The following HEATR1 variants were observed in gnomAD, a reference collection of about 807,000 sequenced individuals.
HEATR1 encodes the protein HEAT repeat-containing protein 1.
A neutral mutation model predicts 248.2 loss-of-function variants in HEATR1; 77 were observed. The observed-to-expected ratio is 0.31, with a 90% CI of 0.26 to 0.37. HEATR1 has a LOEUF of 0.37. Among genes scored for constraint, HEATR1 ranks in the 10% least tolerant of loss-of-function variants. The pLI is 1.00. For synonymous variants in HEATR1, 897 were observed against 923.1 expected (o/e 0.97, Z 0.51); for missense variants, 2,420 against 2,504.9 (o/e 0.97, Z 0.72).
chr1:236,577,302 C>T (rs568293806), intron 20 of HEATR1, among the ~76,000 whole-genome samples: 1 of 152,116 alleles, frequency 6.6e-6, no homozygotes, highest in South Asian at 2.1e-4. Context: ...CAGGTGCACG[C>T]CACACGCCTG....
At chr1:236,573,462 A>T (rs1169483674) in intron 24 of HEATR1, among the ~76,000 whole-genome samples, 2 of 152,196 alleles carry the variant, frequency 1.3e-5, no homozygotes, top group Non-Finnish European at 2.9e-5. Flanking sequence ...CAAAGAAAAC[A>T]ACTATAAAAA....
At position 236,574,708 on chromosome 1, in the gene HEATR1, C is replaced by G; in HGVS notation, c.3280G>C (p.Glu1094Gln). The stretch of plus-strand genomic sequence containing the variant: ...ATGGTTGGCATTCCCGCGTAAAGTT[C>G]CTTTGTTGTGTGCACAGCTTTTATA... The part of the protein sequence containing the change: ...IFIKAVHTTK[E>Q]LYAGMPTIQI... Residue 1094 changes from glutamate to glutamine, a missense_variant, in exon 23 of 45, where the codon GAA becomes CAA. Coordinates refer to ENST00000366582, the MANE Select transcript of HEATR1 (RefSeq NM_018072.6). The G allele has an allele frequency of 6.2e-7, 1 of 1,613,836 alleles. No homozygotes were observed. The highest frequency in any genetic ancestry group is 8.5e-7 in the Non-Finnish European group (1 of 1,179,864).
Position 236,590,924 on chromosome 1 carries a change from G to A in HEATR1, c.1453C>T (p.Leu485Phe). The A allele has an allele frequency of 1.3e-6, 2 of 1,511,404 alleles. No individual in the cohort carries two copies. Among genetic ancestry groups the A allele is most frequent in the Non-Finnish European group, 1.8e-6 (2 of 1,121,104 alleles). 93.6% of individuals were successfully genotyped at this position (1,511,404 alleles called of 1,614,324 possible). The change falls in exon 12 of 45, where the codon CTC (leucine) becomes TTC (phenylalanine). Residue 485 changes from leucine to phenylalanine, a missense_variant. Transcript: ENST00000366582. ...GGAGCAAGTGGATGATTCAGGCTGAGCATCAAAGAAGTATCAGAATCTGCT... is the reference window on the plus strand; with the variant it reads ...GGAGCAAGTGGATGATTCAGGCTGAACATCAAAGAAGTATCAGAATCTGCT... ...FLADSDTSLM[L>F]SLNHPLAPVR... is the part of the protein sequence containing the mutation.
rs767408010 is a variant in HEATR1, at chr1:236,574,913, C to G, written c.3085-10G>C. On this transcript the variant is annotated splice_polypyrimidine_tract_variant and intron_variant, in intron 22 of 44. Transcript: ENST00000366582. ...GCTGAGAAAGCACCATCTAAAGATC[C>G]AAAGACTTAGTAGTAAATAGTTATG... is the stretch of plus-strand genomic sequence containing the variant. The G allele has an allele frequency of 1.2e-6, 2 of 1,611,092 alleles. No individual in the cohort carries two copies. The highest frequency in any genetic ancestry group is 4.5e-5 in the East Asian group (2 of 44,838).
Position 236,585,907 on chromosome 1 carries a change from T to C in HEATR1, c.1962A>G (p.Gly654=). The C allele has an allele frequency of 6.2e-7, 1 of 1,613,502 alleles. No individual in the cohort carries two copies. Among genetic ancestry groups the C allele is most frequent in the Non-Finnish European group, 8.5e-7 (1 of 1,179,606 alleles). ...LENVIKSTKP[G]KLIGVANQKM... is the part of the protein sequence containing the mutation. ...TCTGATTTGCTACACCGATTAGTTT[T>C]CCTGGCTTTGTGCTTTTAATTACAT... The change falls in exon 16 of 45, where the codon GGA becomes GGG. Residue 654 remains glycine (G), a synonymous_variant. Transcript: ENST00000366582.
chr1:236,598,038 A>G, intron 4 of HEATR1, 59 bp from the exon 5 acceptor site: 1 of 1,088,062 alleles, frequency 9.2e-7, no homozygotes, highest in Non-Finnish European at 1.4e-6. Context: ...CCTTATTTTA[A>G]AGCATTTACC....
chr1:236,553,641 G>A lies in HEATR1; in HGVS notation c.6177C>T (p.Asp2059=), dbSNP rs1056243196. The A allele has an allele frequency of 1.9e-6, 3 of 1,614,078 alleles. No individual in the cohort carries two copies. Among genetic ancestry groups the A allele is most frequent in the Non-Finnish European group, 2.5e-6 (3 of 1,179,996 alleles). ...GGTAGTTCAGTGGTTTCCAAAGAGAGTCATCCGCCATGGCCACCGAAAACT... is the reference window on the plus strand; with the variant it reads ...GGTAGTTCAGTGGTTTCCAAAGAGAATCATCCGCCATGGCCACCGAAAACT... ...IAQFSVAMAD[D]SLWKPLNYQI... is the part of the protein sequence containing the mutation. Residue 2059 remains aspartate (D), a synonymous_variant, in exon 43 of 45, where the codon GAC becomes GAT. Transcript: ENST00000366582.
At position 236,576,421 on chromosome 1, in the gene HEATR1, C is replaced by A. The variant is rs764077488; in HGVS notation, c.2926-44G>T. The A allele has an allele frequency of 3.7e-6, 5 of 1,352,642 alleles. No individual in the cohort carries two copies. The South Asian group carries it at 5.6e-5, about 15-fold the overall frequency. The allele number at this position is 1,352,642 out of a possible 1,614,324, so 83.8% of individuals were successfully genotyped here. On this transcript the variant is annotated intron_variant, in intron 21 of 44. Transcript: ENST00000366582. ...AATTGGATAAAAAAGGGTTAAGAAA[C>A]TACAAAGGCTAAATATATTAATTAC...
intron 25 of HEATR1, 82 bp from the exon 26 acceptor site, chr1:236,572,636 A>G: frequency 1.3e-6 from 2 of 1,599,956 alleles, no homozygotes; most frequent in Non-Finnish European, 1.7e-6. Context: ...GATTATAGCA[A>G]ATTGATGAGT....
chr1:236,563,662 C>T (rs1040105683), intron 32 of HEATR1, among the ~76,000 whole-genome samples: 1 of 152,174 alleles, frequency 6.6e-6, no homozygotes, highest in Admixed American at 6.5e-5. Flanking sequence ...TCTGTTAACG[C>T]ATTATAGGAC....
chr1:236,598,084 A>T, intron 4 of HEATR1, 105 bp from the exon 5 acceptor site: 1 of 627,162 alleles, frequency 1.6e-6, no homozygotes, highest in Non-Finnish European at 2.8e-6. Context: ...ATTCATAAAT[A>T]AAAAATATAA....
Position 236,603,354 on chromosome 1 carries a change from C to T in HEATR1, c.165G>A (p.Leu55=), listed in dbSNP as rs868213447. The stretch of plus-strand genomic sequence containing the variant: ...GCTCAAAGGAAGGATCAATTCCAAG[C>T]AACTCTTCCAGGCCAGTACATCCTA... The part of the protein sequence containing the change: ...FAIGCTGLEE[L]LGIDPSFEQF... Residue 55 remains leucine (L), a synonymous_variant, in exon 3 of 45, where the codon TTG becomes TTA. Coordinates refer to ENST00000366582, the MANE Select transcript of HEATR1 (RefSeq NM_018072.6). 9 of 1,614,010 alleles carry T rather than the reference C, an allele frequency of 5.6e-6. No homozygotes were observed. The Middle Eastern group carries it at 8.2e-4, about 148-fold the overall frequency.
In HEATR1 at chr1:236,560,771, T is replaced by G. The variant is rs75672375; in HGVS notation, c.4646+454A>C. On this transcript the variant is annotated intron_variant, in intron 33 of 44. Transcript: ENST00000366582. ...AGCATATGGATTAGAATCCACAGAA[T>G]AAAGAATTCATGAGCCCATAGAAAT... Among the ~76,000 whole-genome samples the G allele has an allele frequency of 6.9e-3, 1,051 of 152,236 alleles. 21 individuals carry two copies. The highest frequency in any genetic ancestry group is 0.024 in the African/African-American group (984 of 41,542).
chr1:236,602,309 A>G (rs958089504), intron 3 of HEATR1, among the ~76,000 whole-genome samples: 1 of 152,198 alleles, frequency 6.6e-6, no homozygotes, highest in Non-Finnish European at 1.5e-5. Context: ...GCCACTTACT[A>G]GCTGTGTGAC....
At chr1:236,554,431 T>C (rs970213962) in intron 42 of HEATR1, among the ~76,000 whole-genome samples, 167 bp downstream of exon 42, 1 of 152,196 alleles carries the variant, frequency 6.6e-6, no homozygotes. Flanking sequence ...AATGAAGTTA[T>C]ATCTTTGAAA....
chr1:236,591,614 G>T (rs1664039601), intron 11 of HEATR1, among the ~76,000 whole-genome samples: 1 of 152,020 alleles, frequency 6.6e-6, no homozygotes, highest in African/African-American at 2.4e-5. Flanking sequence ...TCTCCCCCTT[G>T]CTAATCAATA....
At chr1:236,579,204 T>C (rs1016596412) in intron 20 of HEATR1, among the ~76,000 whole-genome samples, 1 of 151,054 alleles carries the variant, frequency 6.6e-6, no homozygotes, top group African/African-American at 2.5e-5. Context: ...GCAGTGAAAA[T>C]GCAGGCATAC....
chr1:236,559,482 T>C (rs977369274), intron 34 of HEATR1, among the ~76,000 whole-genome samples: 6 of 152,260 alleles, frequency 3.9e-5, no homozygotes, highest in Admixed American at 2.0e-4. Context: ...ATATATTATA[T>C]GACTTAATTA....
rs1663518782 is a variant in HEATR1 at position 236,574,649 on chromosome 1, G to T, written c.3327+12C>A. ...ACATGCTATGCCTTAGTTTCTGAAA[G>T]AAATCACTGACCTTTTCAAGGGCTG... On this transcript the variant is annotated intron_variant, in intron 23 of 44. Coordinates refer to ENST00000366582, the MANE Select transcript of HEATR1 (RefSeq NM_018072.6). 1.2e-6 allele frequency: 2 copies of T among 1,606,024 alleles called. No individual in the cohort carries two copies. The highest frequency in any genetic ancestry group is 1.7e-6 in the Non-Finnish European group (2 of 1,176,502).
Sources: gnomAD v4.1 joint callset for allele counts (sites outside exome capture counted in the v4.1 genomes callset) on GRCh38, gnomAD v4.1.1 for gene constraint, MANE v1.5 for transcripts, NCBI Gene and HGNC (gene_info 2026-07-23, HGNC 2026-07-21) for gene names.